Variants in SLC35F1 observed in about 807,000 individuals in gnomAD.
SLC35F1 encodes the protein chromosome 6 open reading frame 169.
A neutral mutation model predicts 48.7 loss-of-function variants in SLC35F1; 14 were observed. That is an observed-to-expected ratio of 0.29 (90% CI 0.19 to 0.45). The LOEUF (loss-of-function observed/expected upper bound fraction) is 0.45. SLC35F1 is among the 20% of genes least tolerant of loss of function. SLC35F1 has a pLI of 1.00. For missense variants in SLC35F1, 404 were observed against 500.0 expected (o/e 0.81, Z 1.83); for synonymous variants, 190 against 202.2 (o/e 0.94, Z 0.51).
At chr6:118,100,712 T>C (rs1375362743) in intron 1 of SLC35F1, among the ~76,000 whole-genome samples, 1 of 152,196 alleles carries the variant, frequency 6.6e-6, no homozygotes, top group Non-Finnish European at 1.5e-5. Flanking sequence ...CCAGAGTTTT[T>C]ATTAATGTTG....
chr6:118,201,719 C>T (rs993909047), intron 2 of SLC35F1, among the ~76,000 whole-genome samples: 3 of 152,128 alleles, frequency 2.0e-5, no homozygotes, highest in African/African-American at 7.2e-5. Flanking sequence ...AATTTTAGAA[C>T]ATTTACATCA....
chr6:118,155,832 A>G (rs1019598865), intron 2 of SLC35F1, among the ~76,000 whole-genome samples: 4 of 152,228 alleles, frequency 2.6e-5, no homozygotes, highest in African/African-American at 7.2e-5. Flanking sequence ...AGCTGTGTAC[A>G]TCAATTTCAA....
chr6:117,923,715 A>G (rs11962636), intron 1 of SLC35F1, among the ~76,000 whole-genome samples: 3,816 of 7,566 alleles, frequency 0.5, 1,235 homozygotes, highest in African/African-American at 0.53. Flanking sequence ...ATGTACATAT[A>G]TACATATATA....
chr6:118,006,968 A>T (rs1426783581), intron 1 of SLC35F1, among the ~76,000 whole-genome samples: 1 of 152,150 alleles, frequency 6.6e-6, no homozygotes, highest in Non-Finnish European at 1.5e-5. Context: ...AATTTTTCAG[A>T]AAACATGTTA....
At chr6:117,948,530 C>T (rs552330720) in intron 1 of SLC35F1, among the ~76,000 whole-genome samples, 94 of 152,156 alleles carry the variant, frequency 6.2e-4, no homozygotes, top group African/African-American at 2.1e-3. Flanking sequence ...TCATCATAGC[C>T]CTTATTCATT....
At chr6:117,944,622 C>CAG (rs1554218254) in intron 1 of SLC35F1, among the ~76,000 whole-genome samples, 3 of 151,330 alleles carry the variant, frequency 2.0e-5, no homozygotes, top group East Asian at 1.9e-4. Context: ...CACACACACA[C>CAG]AGAATATATT....
At chr6:118,241,362 T>C (rs1433837263) in intron 3 of SLC35F1, among the ~76,000 whole-genome samples, 1 of 152,186 alleles carries the variant, frequency 6.6e-6, no homozygotes, top group Non-Finnish European at 1.5e-5. Flanking sequence ...ACACTTATGG[T>C]TAAATGTCAC....
intron 1 of SLC35F1, among the ~76,000 whole-genome samples, chr6:117,968,364 A>G (rs896549549): frequency 2.6e-5 from 4 of 152,164 alleles, no homozygotes; most frequent in African/African-American, 9.7e-5. Flanking sequence ...ATTTGGTAGT[A>G]TCAGGAATCG....
chr6:118,241,578 CGTGTGT>C (rs10570595), intron 3 of SLC35F1, among the ~76,000 whole-genome samples: 177 of 147,318 alleles, frequency 1.2e-3, no homozygotes, highest in African/African-American at 3.1e-3. Flanking sequence ...TTTTTACCTT[CGTGTGT>C]GTGTGTGTGT....
chr6:118,069,858 C>T (rs903874679), intron 1 of SLC35F1, among the ~76,000 whole-genome samples: 2 of 152,080 alleles, frequency 1.3e-5, no homozygotes, highest in African/African-American at 2.4e-5. Context: ...TCATTTAGGC[C>T]GGGCGCGGTG....
At chr6:118,125,279 C>T (rs910483069) in intron 1 of SLC35F1, among the ~76,000 whole-genome samples, 1 of 151,750 alleles carries the variant, frequency 6.6e-6, no homozygotes, top group African/African-American at 2.4e-5. Context: ...TGTCACTTTT[C>T]CCTCTGTGCT....
At chr6:117,962,837 C>G (rs1776516340) in intron 1 of SLC35F1, among the ~76,000 whole-genome samples, 1 of 152,190 alleles carries the variant, frequency 6.6e-6, no homozygotes, top group African/African-American at 2.4e-5. Flanking sequence ...TTTTGTTGCT[C>G]TGCCCACTTG....
chr6:118,088,253 A>T (rs567852557), intron 1 of SLC35F1, among the ~76,000 whole-genome samples: 1 of 152,338 alleles, frequency 6.6e-6, no homozygotes, highest in South Asian at 2.1e-4. Flanking sequence ...CCTTTTATAC[A>T]TGATTCTAGA....
intron 3 of SLC35F1, among the ~76,000 whole-genome samples, chr6:118,254,632 A>T (rs1323369563): frequency 1.3e-5 from 2 of 152,168 alleles, no homozygotes; most frequent in African/African-American, 4.8e-5. Flanking sequence ...TAAAACCCAA[A>T]AAGTATAAGA....
chr6:118,259,927 T>C (rs1775691404), intron 3 of SLC35F1, among the ~76,000 whole-genome samples: 1 of 152,148 alleles, frequency 6.6e-6, no homozygotes, highest in African/African-American at 2.4e-5. Flanking sequence ...CTTGAAAATG[T>C]TCGTTGCAGT....
chr6:118,169,224 C>A (rs1269016265), intron 2 of SLC35F1, among the ~76,000 whole-genome samples: 1 of 152,142 alleles, frequency 6.6e-6, no homozygotes, highest in Admixed American at 6.5e-5. Flanking sequence ...ATGATCACTC[C>A]TTTGAAGAAA....
intron 2 of SLC35F1, among the ~76,000 whole-genome samples, chr6:118,208,661 T>C (rs1273080751): frequency 1.3e-5 from 2 of 152,192 alleles, no homozygotes; most frequent in Non-Finnish European, 2.9e-5. Context: ...TGTAACTAGA[T>C]AGAAAAAATA....
chr6:117,966,139 C>T (rs77704742), intron 1 of SLC35F1, among the ~76,000 whole-genome samples: 8 of 120,712 alleles, frequency 6.6e-5, no homozygotes, highest in African/African-American at 1.2e-4. Context: ...CCGCCCCCCC[C>T]CCCACTCCCG....
chr6:118,003,821 G>A (rs1385918470), intron 1 of SLC35F1, among the ~76,000 whole-genome samples: 1 of 152,046 alleles, frequency 6.6e-6, no homozygotes, highest in Non-Finnish European at 1.5e-5. Context: ...GCCCTTCCTG[G>A]CAGAGAGAAA....
Sources: allele counts gnomAD v4.1 joint callset (sites outside exome capture counted in the v4.1 genomes callset), GRCh38; gene constraint gnomAD v4.1.1; transcripts MANE v1.5; gene names NCBI Gene and HGNC (gene_info 2026-07-23, HGNC 2026-07-21).